Variants in SGO2 observed in about 807,000 individuals in gnomAD.
SGO2 encodes the protein shugoshin 2, also known as shugoshin-like 2.
Under a neutral mutation model 99.5 loss-of-function variants are expected in SGO2, and 68 were observed. That is an observed-to-expected ratio of 0.68 (90% confidence interval 0.56 to 0.84). The LOEUF (loss-of-function observed/expected upper bound fraction) is 0.84. Ranked by LOEUF, SGO2 falls within the 40% of genes least tolerant of loss-of-function variation. The probability of loss-of-function intolerance (pLI) is 0.00; values close to 1 mark genes in which losing one functional copy is unlikely to be tolerated. For missense variants in SGO2, 1,350 were observed against 1,436.7 expected (o/e 0.94, Z 0.97); for synonymous variants, 457 against 487.1 (o/e 0.94, Z 0.81).
At chr2:200,568,617 A>G (rs1186892052) in intron 5 of SGO2, among the ~76,000 whole-genome samples, 1 of 152,142 alleles carries the variant, frequency 6.6e-6, no homozygotes, top group Non-Finnish European at 1.5e-5. Flanking sequence ...ATTTCCCCCC[A>G]TCACTTCACA....
At chr2:200,530,907 CTG>C (rs1448040690) in intron 1 of SGO2, among the ~76,000 whole-genome samples, 1 of 152,136 alleles carries the variant, frequency 6.6e-6, no homozygotes, top group Non-Finnish European at 1.5e-5. Context: ...AAGTTGGAAA[CTG>C]AGTATAGACA....
In SGO2 at chr2:200,559,597, T is replaced by C. The variant is rs149027972; in HGVS notation, c.474-10066T>C. On this transcript the variant is annotated intron_variant, in intron 5 of 8. Transcript: ENST00000357799. ...TCACTGCTTTAGCTGTGTTCCACAATTTTTATTTGTTTATTTTGTGATGAG... is the reference window on the plus strand; with the variant it reads ...TCACTGCTTTAGCTGTGTTCCACAACTTTTATTTGTTTATTTTGTGATGAG... Among the ~76,000 whole-genome samples the C allele has an allele frequency of 2.0e-5, 3 of 152,258 alleles. No individual in the cohort carries two copies. In the East Asian group the frequency reaches 5.8e-4, roughly 29 times the overall value.
chr2:200,563,746 G>A (rs147268139), intron 5 of SGO2, among the ~76,000 whole-genome samples: 106 of 152,218 alleles, frequency 7.0e-4, no homozygotes, highest in African/African-American at 2.3e-3. Context: ...ACCTGTTATC[G>A]GTCTATTCAG....
chr2:200,572,812 CA>C lies in SGO2; in HGVS notation c.2468del (p.Asn823ThrfsTer14). On this transcript the variant is annotated frameshift_variant, in exon 7 of 9. Transcript: ENST00000357799. LOFTEE classifies it high-confidence loss of function. ...CQKSEIIPET[N>X]QIYENDNKGV... The stretch of plus-strand genomic sequence containing the variant: ...AAAAGTCAGAAATAATTCCTGAAAC[CA>C]ACCAAATATATGAGAATGATAACAA... The C allele has an allele frequency of 6.2e-7, 1 of 1,611,928 alleles. No individual in the cohort carries two copies. Among genetic ancestry groups the C allele is most frequent in the Non-Finnish European group, 8.5e-7 (1 of 1,179,058 alleles).
intron 2 of SGO2, among the ~76,000 whole-genome samples, chr2:200,533,585 A>T (rs1162630680): frequency 6.6e-6 from 1 of 151,432 alleles, no homozygotes; most frequent in Non-Finnish European, 1.5e-5. Flanking sequence ...TTATGAAGAC[A>T]CTGAGCACTT....
intron 5 of SGO2, among the ~76,000 whole-genome samples, chr2:200,564,161 A>G (rs577560414): frequency 1.3e-5 from 2 of 152,170 alleles, no homozygotes; most frequent in South Asian, 2.1e-4. Context: ...TTAGGGTGTC[A>G]ATTTTAGATC....
At chr2:200,548,017 GGAGA>G (rs1331916271) in intron 5 of SGO2, among the ~76,000 whole-genome samples, 1 of 150,446 alleles carries the variant, frequency 6.6e-6, no homozygotes, top group Non-Finnish European at 1.5e-5. Flanking sequence ...AGATGTAAAG[GGAGA>G]GAGAGACTGC....
chr2:200,578,159 T>TAGATATAGATATAGATAC (rs2033725426), intron 8 of SGO2, among the ~76,000 whole-genome samples: 1 of 151,808 alleles, frequency 6.6e-6, no homozygotes, highest in Admixed American at 6.6e-5. Flanking sequence ...TCTATAGATA[T>TAGATATAGATATAGATAC]AGATATAGAT....
chr2:200,569,523 T>A (rs369695659), intron 5 of SGO2, 140 bp from the exon 6 acceptor site: 12 of 635,978 alleles, frequency 1.9e-5, no homozygotes, highest in African/African-American at 9.2e-5. Flanking sequence ...TTCCTACCTT[T>A]AAGTGTCTTC....
chr2:200,568,870 A>C (rs1345030085), intron 5 of SGO2, among the ~76,000 whole-genome samples: 1 of 152,166 alleles, frequency 6.6e-6, no homozygotes, highest in Admixed American at 6.5e-5. Context: ...TTGGTCTGAT[A>C]GTAACTTTTA....
chr2:200,580,108 A>G (rs1334501627), intron 8 of SGO2, among the ~76,000 whole-genome samples: 5 of 152,078 alleles, frequency 3.3e-5, no homozygotes, highest in Admixed American at 2.6e-4. Context: ...GTGTATGAAA[A>G]TTAGTCTGTT....
chr2:200,574,913 C>G (rs1488857232), intron 7 of SGO2, among the ~76,000 whole-genome samples: 1 of 115,782 alleles, frequency 8.6e-6, no homozygotes, highest in Non-Finnish European at 1.9e-5. Context: ...GCGGGTAAGT[C>G]AATTCCAGGT....
chr2:200,533,552 C>A (rs188400848), intron 2 of SGO2, among the ~76,000 whole-genome samples: 1 of 116,940 alleles, frequency 8.6e-6, no homozygotes, highest in Admixed American at 8.1e-5. Flanking sequence ...TGTGTGTATA[C>A]ATGTGACTTT....
rs2033528254 is a variant in SGO2 at position 200,573,368 on chromosome 2, C to T, written c.3022C>T (p.Gln1008Ter). Residue 1008 changes from glutamine (Q) to a stop codon, truncating the protein, a stop_gained, in exon 7 of 9, where the codon CAG (glutamine) becomes TAG (stop). Coordinates refer to ENST00000357799, the MANE Select transcript of SGO2 (RefSeq NM_152524.6). LOFTEE classifies it high-confidence loss of function. ...AAAAGCTAAGAACAAACTTGCTTCA[C>T]AGTTAACAGAATCTTCACAGACATC... ...LTKAKNKLAS[Q>*]LTESSQTSIS... is the part of the protein sequence containing the mutation. The T allele has an allele frequency of 1.2e-6, 2 of 1,602,238 alleles. No homozygotes were observed. The highest frequency in any genetic ancestry group is 8.5e-7 in the Non-Finnish European group (1 of 1,176,720).
chr2:200,550,506 G>A (rs1574852182), intron 5 of SGO2, among the ~76,000 whole-genome samples: 1 of 152,118 alleles, frequency 6.6e-6, no homozygotes, highest in East Asian at 1.9e-4. Flanking sequence ...AATGGACATA[G>A]ATACCAATGG....
intron 8 of SGO2, among the ~76,000 whole-genome samples, chr2:200,577,035 G>GTTTTTTTTTTT (rs747481388): frequency 7.1e-6 from 1 of 141,592 alleles, no homozygotes; most frequent in Non-Finnish European, 1.5e-5. Flanking sequence ...GTAAAGTATT[G>GTTTTTTTTTTT]TTTTTTTTTT....
At chr2:200,542,791 C>G in intron 5 of SGO2, 127 bp downstream of exon 5, 3 of 764,904 alleles carry the variant, frequency 3.9e-6, no homozygotes, top group Non-Finnish European at 5.9e-6. Context: ...TAGAAATGAG[C>G]TGGTTTGTAG....
intron 5 of SGO2, among the ~76,000 whole-genome samples, chr2:200,569,237 A>G (rs2033302346): frequency 1.3e-5 from 2 of 152,102 alleles, no homozygotes; most frequent in Admixed American, 1.3e-4. Flanking sequence ...AAACATAGCA[A>G]ACTTATTTCA....
chr2:200,568,286 C>T (rs147727994), intron 5 of SGO2, among the ~76,000 whole-genome samples: 2 of 152,194 alleles, frequency 1.3e-5, no homozygotes, highest in African/African-American at 4.8e-5. Flanking sequence ...TTATCTTTTC[C>T]ATGTGAGTTT....
Sources: allele counts gnomAD v4.1 joint callset (sites outside exome capture counted in the v4.1 genomes callset), GRCh38; gene constraint gnomAD v4.1.1; transcripts MANE v1.5; gene names NCBI Gene and HGNC (gene_info 2026-07-23, HGNC 2026-07-21).